The following GPR158 variants were observed in gnomAD, a reference collection of about 807,000 sequenced individuals.
The protein encoded by GPR158 is metabotropic glycine receptor.
Under a neutral mutation model 78.2 loss-of-function variants are expected in GPR158, and 30 were observed. The observed-to-expected ratio is 0.38, with a 90% confidence interval of 0.29 to 0.52. GPR158 has a LOEUF of 0.52. Among genes scored for constraint, GPR158 ranks in the 20% least tolerant of loss-of-function variants. GPR158 has a pLI of 0.83. For missense variants in GPR158, 1,463 were observed against 1,523.5 expected (o/e 0.96, Z 0.66); for synonymous variants, 581 against 591.1 (o/e 0.98, Z 0.25).
chr10:25,590,688 TC>T (rs1246223605), intron 8 of GPR158, among the ~76,000 whole-genome samples: 1 of 152,142 alleles, frequency 6.6e-6, no homozygotes, highest in Non-Finnish European at 1.5e-5. Context: ...AGTTAACAAA[TC>T]AACTAAAGAG....
At chr10:25,370,744 A>T (rs943472572) in intron 2 of GPR158, among the ~76,000 whole-genome samples, 2 of 150,966 alleles carry the variant, frequency 1.3e-5, no homozygotes, top group African/African-American at 4.9e-5. Flanking sequence ...TGTCTCGTTG[A>T]TCTGTCTAAT....
At chr10:25,318,054 C>G (rs1221243615) in intron 2 of GPR158, among the ~76,000 whole-genome samples, 1 of 152,048 alleles carries the variant, frequency 6.6e-6, no homozygotes, top group Non-Finnish European at 1.5e-5. Flanking sequence ...CTTGTACTTC[C>G]TTGTATAGGG....
chr10:25,314,245 C>T (rs556872272), intron 2 of GPR158, among the ~76,000 whole-genome samples: 3 of 152,130 alleles, frequency 2.0e-5, no homozygotes, highest in Non-Finnish European at 2.9e-5. Flanking sequence ...GGACTACATG[C>T]GTGCACCACT....
At chr10:25,429,100 A>C (rs960439093) in intron 4 of GPR158, among the ~76,000 whole-genome samples, 9 of 152,048 alleles carry the variant, frequency 5.9e-5, no homozygotes, top group African/African-American at 2.2e-4. Flanking sequence ...GAAATACTAT[A>C]TCTGTCCAAG....
intron 6 of GPR158, 106 bp from the exon 7 acceptor site, chr10:25,572,543 G>C: frequency 2.5e-6 from 2 of 784,696 alleles, no homozygotes; most frequent in Non-Finnish European, 2.2e-6. Flanking sequence ...ACTCTGATTA[G>C]CTGGATTTTG....
At position 25,175,254 on chromosome 10, in the gene GPR158, C is replaced by A. The variant is rs1484284647; in HGVS notation, c.-167C>A. 1 of 545,854 alleles carries A rather than the reference C, an allele frequency of 1.8e-6. No homozygotes were observed. The highest frequency in any genetic ancestry group is 3.0e-5 in the East Asian group (1 of 32,858). 33.8% of individuals were successfully genotyped at this position (545,854 alleles called of 1,614,324 possible). A position where few individuals can be genotyped will look rare whatever the true frequency, so the allele number is the denominator to read the frequency against. ...ATTTCTGCGACGGTAGCTTAGCCACCCGGGGCCAATCTCGAAACATTCTTA... is the reference window on the plus strand; with the variant it reads ...ATTTCTGCGACGGTAGCTTAGCCACACGGGGCCAATCTCGAAACATTCTTA... On this transcript the variant is annotated 5_prime_UTR_variant, in exon 1 of 11. Transcript: ENST00000376351. The surrounding 1 kb of genome is among the most constrained non-coding windows in gnomAD (Gnocchi z 6.4).
intron 1 of GPR158, among the ~76,000 whole-genome samples, chr10:25,180,734 C>T (rs1320472213): frequency 6.6e-6 from 1 of 151,942 alleles, no homozygotes; most frequent in African/African-American, 2.4e-5. Flanking sequence ...TTGGCCTATC[C>T]ACATGGTCAA....
intron 5 of GPR158, among the ~76,000 whole-genome samples, chr10:25,466,946 TA>T (rs1487099796): frequency 1.3e-5 from 2 of 152,170 alleles, no homozygotes; most frequent in East Asian, 1.9e-4. Context: ...AGTCAAACTC[TA>T]AAATATTTGA....
At chr10:25,380,222 C>T (rs183882765) in intron 2 of GPR158, among the ~76,000 whole-genome samples, 2 of 152,120 alleles carry the variant, frequency 1.3e-5, no homozygotes, top group Admixed American at 6.5e-5. Context: ...TTAGAAATCC[C>T]AAGTGCTCCT....
At position 25,176,969 on chromosome 10, in the gene GPR158, T is replaced by G. The variant is rs1365917743; in HGVS notation, c.902+647T>G. Among the ~76,000 whole-genome samples the G allele has an allele frequency of 6.6e-6, 1 of 152,118 alleles. No individual in the cohort carries two copies. Among genetic ancestry groups the G allele is most frequent in the African/African-American group, 2.4e-5 (1 of 41,420 alleles). Reference sequence around the variant, plus strand: ...GGTCAGGGTGCTCCTTCTACCGGTCTCCCCTCTCCCCGCAATTGATCTTTC... The same window carrying G: ...GGTCAGGGTGCTCCTTCTACCGGTCGCCCCTCTCCCCGCAATTGATCTTTC... On this transcript the variant is annotated intron_variant, in intron 1 of 10. Transcript: ENST00000376351. This position sits in a 1 kb window ranked among gnomAD's most constrained non-coding sequence, Gnocchi z 6.3.
intron 4 of GPR158, among the ~76,000 whole-genome samples, chr10:25,433,592 CAT>C (rs1203211368): frequency 1.3e-5 from 2 of 149,262 alleles, no homozygotes; most frequent in African/African-American, 5.0e-5. Context: ...TGCGCGTGCG[CAT>C]ATATGAATGT....
At chr10:25,350,253 A>G in intron 2 of GPR158, among the ~76,000 whole-genome samples, 1 of 152,044 alleles carries the variant, frequency 6.6e-6, no homozygotes, top group East Asian at 1.9e-4. Flanking sequence ...ATATTCAGAA[A>G]TTTATACTTT....
chr10:25,411,105 T>C (rs181441516), intron 3 of GPR158, among the ~76,000 whole-genome samples: 236 of 152,202 alleles, frequency 1.6e-3, no homozygotes, highest in African/African-American at 5.4e-3. Flanking sequence ...TTTTGTTTTT[T>C]TTTTCCTTAG....
intron 4 of GPR158, 65 bp downstream of exon 4, chr10:25,412,538 C>A: frequency 1.8e-6 from 2 of 1,108,058 alleles, no homozygotes; most frequent in Non-Finnish European, 2.7e-6. Context: ...TTTAAGCAAA[C>A]AGAATTTTCC....
chr10:25,401,255 T>A (rs1341234998), intron 3 of GPR158, among the ~76,000 whole-genome samples: 1 of 152,184 alleles, frequency 6.6e-6, no homozygotes, highest in East Asian at 1.9e-4. Context: ...CTTTCACCAC[T>A]GGTCTGACTT....
At chr10:25,345,875 C>T in intron 2 of GPR158, among the ~76,000 whole-genome samples, 1 of 151,852 alleles carries the variant, frequency 6.6e-6, no homozygotes, top group East Asian at 1.9e-4. Flanking sequence ...GATGCTATGG[C>T]ATTAGGCAGA....
intron 4 of GPR158, among the ~76,000 whole-genome samples, chr10:25,452,709 A>G (rs1835237604): frequency 6.6e-6 from 1 of 152,226 alleles, no homozygotes; most frequent in Non-Finnish European, 1.5e-5. Flanking sequence ...TATTTAATTG[A>G]CAAAGATGGT....
intron 4 of GPR158, among the ~76,000 whole-genome samples, chr10:25,423,376 A>G (rs1348612740): frequency 2.3e-5 from 3 of 132,612 alleles, no homozygotes; most frequent in African/African-American, 8.3e-5. Context: ...TCAAATGGTA[A>G]ATCTACTTTT....
At chr10:25,415,473 C>T (rs1179952519) in intron 4 of GPR158, among the ~76,000 whole-genome samples, 1 of 151,966 alleles carries the variant, frequency 6.6e-6, no homozygotes, top group African/African-American at 2.4e-5. Flanking sequence ...GTACCCACTA[C>T]CATAGCTAAA....
Sources: allele counts gnomAD v4.1 joint callset (sites outside exome capture counted in the v4.1 genomes callset), GRCh38; gene constraint gnomAD v4.1.1; non-coding constraint Gnocchi (gnomAD v3.1); transcripts MANE v1.5; gene names NCBI Gene and HGNC (gene_info 2026-07-23, HGNC 2026-07-21).